The following MALRD1 variants were observed in gnomAD, a reference collection of about 807,000 sequenced individuals.
The protein encoded by MALRD1 is MAM and LDL-receptor class A domain-containing protein 1.
Under a neutral mutation model 242.1 loss-of-function variants are expected in MALRD1, and 247 were observed. That is an observed-to-expected ratio of 1.02 (90% CI 0.92 to 1.13). The LOEUF (loss-of-function observed/expected upper bound fraction) is 1.13. Among genes scored for constraint, MALRD1 ranks in the 50% most tolerant of loss-of-function variants. The pLI, the probability that MALRD1 is intolerant of heterozygous loss-of-function variation, is 0.00. For missense variants in MALRD1, 2,989 were observed against 2,533.1 expected (o/e 1.18, Z -3.86); for synonymous variants, 995 against 866.6 (o/e 1.15, Z -2.60).
intron 36 of MALRD1, among the ~76,000 whole-genome samples, chr10:19,642,256 G>A (rs1308006115): frequency 5.3e-5 from 8 of 152,094 alleles, no homozygotes; most frequent in African/African-American, 1.7e-4. Flanking sequence ...TCACTCTTCT[G>A]TGAAGGTATA....
chr10:19,140,322 C>T (rs1833494080), intron 10 of MALRD1, among the ~76,000 whole-genome samples: 1 of 152,126 alleles, frequency 6.6e-6, no homozygotes, highest in South Asian at 2.1e-4. Flanking sequence ...TTGTCATGAT[C>T]TTAAAATATT....
intron 5 of MALRD1, among the ~76,000 whole-genome samples, chr10:19,111,731 G>T (rs2131354519): frequency 6.6e-6 from 1 of 152,342 alleles, no homozygotes; most frequent in Admixed American, 6.5e-5. Context: ...TTTTCTTATG[G>T]AGAAAGCCAG....
intron 26 of MALRD1, among the ~76,000 whole-genome samples, chr10:19,368,668 T>G (rs1287846882): frequency 6.6e-6 from 1 of 152,016 alleles, no homozygotes; most frequent in South Asian, 2.1e-4. Context: ...TTGATATTTT[T>G]ATAGAAATTG....
chr10:19,205,299 C>T (rs1483089753), intron 17 of MALRD1, 34 bp downstream of exon 17: 1 of 1,504,910 alleles, frequency 6.6e-7, no homozygotes, highest in African/African-American at 1.4e-5. Flanking sequence ...TTCTCTTTCT[C>T]ATTTTGAAAG....
In MALRD1 at chr10:19,099,742, A is replaced by G. The variant is rs115031118; in HGVS notation, c.598-4237A>G. Among the ~76,000 whole-genome samples, 413 of 142,522 alleles carry G rather than the reference A, an allele frequency of 2.9e-3. 1 individual carries two copies. The highest frequency in any genetic ancestry group is 0.011 in the African/African-American group (396 of 36,802). The allele number at this position is 142,522 out of a possible 152,430, so 93.5% of individuals were successfully genotyped here. On this transcript the variant is annotated intron_variant, in intron 4 of 39. Transcript: ENST00000454679. ...AACACAGCTCTGACCAGGACCCTCC[A>G]TAGAACCTATATATATATATATTTT...
chr10:19,726,515 T>C (rs748353338), intron 38 of MALRD1, among the ~76,000 whole-genome samples: 3 of 152,142 alleles, frequency 2.0e-5, no homozygotes, highest in Non-Finnish European at 4.4e-5. Flanking sequence ...TGTAAGATGG[T>C]GCAGCACTAT....
intron 29 of MALRD1, among the ~76,000 whole-genome samples, chr10:19,476,199 G>A (rs1000585197): frequency 5.3e-5 from 8 of 152,064 alleles, no homozygotes; most frequent in Non-Finnish European, 1.0e-4. Context: ...TTACGGAAAT[G>A]TGCTCCAATG....
At chr10:19,178,278 A>G (rs1481930423) in intron 14 of MALRD1, among the ~76,000 whole-genome samples, 1 of 152,230 alleles carries the variant, frequency 6.6e-6, no homozygotes, top group African/African-American at 2.4e-5. Context: ...CAAAGGAAAA[A>G]AAGGCATTTC....
chr10:19,079,298 A>C (rs1277491661), intron 2 of MALRD1, among the ~76,000 whole-genome samples: 1 of 151,648 alleles, frequency 6.6e-6, no homozygotes, highest in Non-Finnish European at 1.5e-5. Context: ...TTCTGATTTC[A>C]TTCTGTTATT....
intron 33 of MALRD1, among the ~76,000 whole-genome samples, chr10:19,575,190 A>G (rs1836746178): frequency 6.6e-6 from 1 of 152,182 alleles, no homozygotes; most frequent in South Asian, 2.1e-4. Context: ...CAAATGCAAT[A>G]CTCATGGGAT....
intron 31 of MALRD1, among the ~76,000 whole-genome samples, chr10:19,509,168 A>T (rs771688782): frequency 6.6e-6 from 1 of 152,214 alleles, no homozygotes; most frequent in African/African-American, 2.4e-5. Context: ...AATTACGTTT[A>T]GCAGAGTTTA....
At chr10:19,151,729 A>G (rs1306926693) in intron 11 of MALRD1, among the ~76,000 whole-genome samples, 1 of 152,176 alleles carries the variant, frequency 6.6e-6, no homozygotes, top group African/African-American at 2.4e-5. Flanking sequence ...AAATTAAGAA[A>G]TTGAATGTAT....
chr10:19,364,960 C>A (rs985465329), intron 26 of MALRD1, among the ~76,000 whole-genome samples: 1 of 152,030 alleles, frequency 6.6e-6, no homozygotes, highest in East Asian at 1.9e-4. Context: ...GCTATTATTT[C>A]AACTGATATT....
intron 35 of MALRD1, among the ~76,000 whole-genome samples, chr10:19,608,265 T>C (rs3852482): frequency 0.7 from 105,886 of 151,934 alleles, 40,678 homozygotes; most frequent in Non-Finnish European, 0.84. Flanking sequence ...TATTTTTAAA[T>C]TGTGGTCTTC....
chr10:19,260,546 A>G (rs1839700523), intron 19 of MALRD1, among the ~76,000 whole-genome samples: 2 of 152,158 alleles, frequency 1.3e-5, no homozygotes, highest in African/African-American at 2.4e-5. Context: ...AGTATTTTCC[A>G]CCTACAGGGA....
chr10:19,292,441 T>A (rs536361376), intron 21 of MALRD1, among the ~76,000 whole-genome samples: 135 of 152,300 alleles, frequency 8.9e-4, no homozygotes, highest in Admixed American at 4.7e-3. Flanking sequence ...GAATATACAC[T>A]ATCTTGAAAA....
chr10:19,700,521 G>A (rs1449807241), intron 38 of MALRD1, among the ~76,000 whole-genome samples: 2 of 151,992 alleles, frequency 1.3e-5, no homozygotes, highest in Non-Finnish European at 2.9e-5. Context: ...ATGAATAATT[G>A]CAAAAAATAG....
chr10:19,258,046 C>A (rs373480659), intron 19 of MALRD1, among the ~76,000 whole-genome samples: 8 of 152,078 alleles, frequency 5.3e-5, no homozygotes, highest in African/African-American at 1.9e-4. Flanking sequence ...AATGTAATTC[C>A]ATTATATTTA....
At chr10:19,572,279 C>T (rs540329712) in intron 33 of MALRD1, among the ~76,000 whole-genome samples, 3 of 152,286 alleles carry the variant, frequency 2.0e-5, no homozygotes, top group Admixed American at 6.5e-5. Flanking sequence ...TTTCCTTAGC[C>T]ATGTGAGTTT....
Sources: gnomAD v4.1 joint callset for allele counts (sites outside exome capture counted in the v4.1 genomes callset) on GRCh38, gnomAD v4.1.1 for gene constraint, MANE v1.5 for transcripts, NCBI Gene and HGNC (gene_info 2026-07-23, HGNC 2026-07-21) for gene names.